SNTG2: variants seen among roughly 807,000 people sequenced by gnomAD.
SNTG2 encodes the protein syntrophin gamma 2.
A neutral mutation model predicts 70.9 loss-of-function variants in SNTG2; 74 were observed. The ratio of observed to expected loss-of-function variants is 1.04; its 90% CI spans 0.86 to 1.27. The LOEUF is 1.27. Among genes scored for constraint, SNTG2 ranks in the 50% most tolerant of loss-of-function variants. The pLI is 0.00. For synonymous variants in SNTG2, 278 were observed against 273.8 expected (o/e 1.02, Z -0.15); for missense variants, 717 against 690.7 (o/e 1.04, Z -0.43).
At chr2:1,055,928 C>G (rs1662363188) in intron 1 of SNTG2, among the ~76,000 whole-genome samples, 1 of 152,188 alleles carries the variant, frequency 6.6e-6, no homozygotes, top group African/African-American at 2.4e-5. Context: ...AGACAGAAGA[C>G]AGTCTCATCT....
chr2:962,918 T>C (rs1660400329), intron 1 of SNTG2, among the ~76,000 whole-genome samples: 1 of 152,194 alleles, frequency 6.6e-6, no homozygotes, highest in Non-Finnish European at 1.5e-5. Context: ...CATTCACAGG[T>C]GCCTCTACTA....
At position 951,057 on chromosome 2, in the gene SNTG2, G is replaced by T. The variant is rs1231569559; in HGVS notation, c.61G>T (p.Val21Leu). Residue 21 changes from valine to leucine, a missense_variant, in exon 1 of 17, where the codon GTA becomes TTA. By Grantham distance (32) the Val-to-Leu change is conservative. Coordinates refer to ENST00000308624, the MANE Select transcript of SNTG2 (RefSeq NM_018968.4). The stretch of plus-strand genomic sequence containing the variant: ...CCGCGGACGCCAGGGCTGCCTGCTG[G>T]TACCTGCGCGGGTGAGTGCGGCCCC... ...ASRGRQGCLL[V>L]PARTKTTIAL... 13 of 1,272,522 alleles carry T rather than the reference G, an allele frequency of 1.0e-5. No homozygotes were observed. In the African/African-American group the frequency reaches 1.8e-4, roughly 18 times the overall value. 78.8% of individuals were successfully genotyped at this position (1,272,522 alleles called of 1,614,324 possible).
intron 14 of SNTG2, among the ~76,000 whole-genome samples, chr2:1,300,382 G>C (rs1255965624): frequency 6.6e-6 from 1 of 152,190 alleles, no homozygotes; most frequent in Admixed American, 6.5e-5. Context: ...GCTTTAGGCC[G>C]AAGAAAGCAT....
intron 1 of SNTG2, among the ~76,000 whole-genome samples, chr2:1,041,843 C>T (rs1661456917): frequency 6.6e-6 from 1 of 152,178 alleles, no homozygotes; most frequent in Non-Finnish European, 1.5e-5. Context: ...AACACACTAG[C>T]CGTCAGCAAT....
At chr2:1,024,516 C>T (rs1330988567) in intron 1 of SNTG2, among the ~76,000 whole-genome samples, 1 of 152,096 alleles carries the variant, frequency 6.6e-6, no homozygotes, top group African/African-American at 2.4e-5. Context: ...ACCACAGGCT[C>T]ACGCCACCAC....
intron 14 of SNTG2, among the ~76,000 whole-genome samples, chr2:1,278,623 G>T (rs1679368982): frequency 6.6e-6 from 1 of 152,160 alleles, no homozygotes; most frequent in Non-Finnish European, 1.5e-5. Flanking sequence ...AGACTTCATG[G>T]CCATTTCTAG....
intron 14 of SNTG2, among the ~76,000 whole-genome samples, chr2:1,271,078 T>C (rs1270283601): frequency 1.3e-5 from 2 of 152,146 alleles, no homozygotes; most frequent in African/African-American, 4.8e-5. Context: ...AGTAGCTTCA[T>C]GCAAGTCCTT....
chr2:1,165,771 C>A, intron 7 of SNTG2, 136 bp downstream of exon 7: 2 of 732,090 alleles, frequency 2.7e-6, no homozygotes, highest in South Asian at 1.9e-5. Context: ...AAAGTATAGG[C>A]AGGCACCGTG....
intron 1 of SNTG2, among the ~76,000 whole-genome samples, chr2:953,707 T>G (rs1477853486): frequency 2.6e-5 from 4 of 152,220 alleles, no homozygotes; most frequent in Non-Finnish European, 5.9e-5. Flanking sequence ...CCAGGAGACA[T>G]GGAGACATGT....
At chr2:1,173,526 A>G (rs1168526192) in intron 8 of SNTG2, among the ~76,000 whole-genome samples, 1 of 152,254 alleles carries the variant, frequency 6.6e-6, no homozygotes, top group African/African-American at 2.4e-5. Context: ...ACTCCCATGA[A>G]TTTCTTAACA....
intron 1 of SNTG2, among the ~76,000 whole-genome samples, chr2:1,038,600 A>G (rs923853973): frequency 6.6e-6 from 1 of 152,266 alleles, no homozygotes; most frequent in African/African-American, 2.4e-5. Flanking sequence ...CAACATGGAT[A>G]AGATAAATCT....
intron 4 of SNTG2, among the ~76,000 whole-genome samples, chr2:1,119,942 TTATC>T (rs201574436): frequency 1.4e-4 from 21 of 148,392 alleles, no homozygotes; most frequent in Middle Eastern, 3.5e-3. Context: ...TGGTCATTCT[TTATC>T]TATCAATGAT....
intron 11 of SNTG2, among the ~76,000 whole-genome samples, chr2:1,244,331 C>T (rs1287903206): frequency 1.3e-5 from 2 of 152,094 alleles, no homozygotes; most frequent in African/African-American, 2.4e-5. Context: ...TGTGATTTGA[C>T]GAGGATATTG....
rs114806233 is a variant in SNTG2, at chr2:983,236, T to C, written c.72+32168T>C. Among the ~76,000 whole-genome samples the C allele has an allele frequency of 5.0e-3, 359 of 71,236 alleles. 2 individuals are homozygous for C. The highest frequency in any genetic ancestry group is 0.014 in the African/African-American group (244 of 17,834). The allele number at this position is 71,236 out of a possible 152,430, so 46.7% of individuals were successfully genotyped here. A position where few individuals can be genotyped will look rare whatever the true frequency, so the allele number is the denominator to read the frequency against. ...ATGCAGAAGCTGCAGAGGTGGAGGT[T>C]GGGATGAAGAAGTTGCAGAGGTGGA... On this transcript the variant is annotated intron_variant, in intron 1 of 16. Coordinates refer to ENST00000308624, the MANE Select transcript of SNTG2 (RefSeq NM_018968.4).
chr2:1,224,015 T>C (rs1675576178), intron 9 of SNTG2, among the ~76,000 whole-genome samples: 1 of 150,502 alleles, frequency 6.6e-6, no homozygotes, highest in Non-Finnish European at 1.5e-5. Context: ...AGGTGGTCAG[T>C]CTGGTGAGGG....
At chr2:1,253,929 T>TG (rs1677903609) in intron 12 of SNTG2, among the ~76,000 whole-genome samples, 1 of 151,692 alleles carries the variant, frequency 6.6e-6, no homozygotes. Flanking sequence ...AATAGAACCA[T>TG]GGCCAGAGAA....
At chr2:996,897 A>G (rs1260378896) in intron 1 of SNTG2, among the ~76,000 whole-genome samples, 1 of 151,818 alleles carries the variant, frequency 6.6e-6, no homozygotes, top group African/African-American at 2.4e-5. Context: ...TAAAACATCA[A>G]CAAAGCCAAA....
intron 16 of SNTG2, among the ~76,000 whole-genome samples, chr2:1,347,446 A>G (rs75537440): frequency 1.3e-5 from 2 of 152,146 alleles, no homozygotes; most frequent in African/African-American, 4.8e-5. Flanking sequence ...ACCATCATCA[A>G]ACCAGGGCAA....
At chr2:1,137,318 C>T (rs918220349) in intron 4 of SNTG2, among the ~76,000 whole-genome samples, 1 of 151,924 alleles carries the variant, frequency 6.6e-6, no homozygotes, top group African/African-American at 2.4e-5. Flanking sequence ...ACACACATCT[C>T]ACGTGGACAC....
Sources: allele counts gnomAD v4.1 joint callset (sites outside exome capture counted in the v4.1 genomes callset), GRCh38; gene constraint gnomAD v4.1.1; transcripts MANE v1.5; gene names NCBI Gene and HGNC (gene_info 2026-07-23, HGNC 2026-07-21).